The following DSE variants were observed in gnomAD, a reference collection of about 807,000 sequenced individuals.
DSE encodes the protein dermatan sulfate epimerase.
Under a neutral mutation model 84.4 loss-of-function variants are expected in DSE, and 36 were observed. The ratio of observed to expected loss-of-function variants is 0.43; its 90% CI spans 0.33 to 0.56. DSE has a LOEUF of 0.56. DSE is among the 20% of genes least tolerant of loss of function. The pLI, the probability that DSE is intolerant of heterozygous loss-of-function variation, is 0.06. For missense variants in DSE, 862 were observed against 1,169.6 expected (o/e 0.74, Z 3.84); for synonymous variants, 410 against 430.1 (o/e 0.95, Z 0.58).
At chr6:116,268,526 G>A (rs1167264151) in intron 2 of DSE, among the ~76,000 whole-genome samples, 1 of 152,144 alleles carries the variant, frequency 6.6e-6, no homozygotes, top group Non-Finnish European at 1.5e-5. Flanking sequence ...TCATCTACAT[G>A]AATGTTTTGA....
chr6:116,361,047 G>GT (rs1778857076), intron 2 of DSE, among the ~76,000 whole-genome samples: 1 of 152,026 alleles, frequency 6.6e-6, no homozygotes, highest in Admixed American at 6.6e-5. Flanking sequence ...TTAAAATTAT[G>GT]TAACTGAAGT....
intron 2 of DSE, among the ~76,000 whole-genome samples, chr6:116,346,796 A>C (rs4946161): frequency 0.23 from 34,781 of 152,110 alleles, 5,203 homozygotes; most frequent in East Asian, 0.65. Context: ...AAAGAAATAA[A>C]GGGTATTGGA....
At chr6:116,344,718 A>G (rs1777840520) in intron 2 of DSE, among the ~76,000 whole-genome samples, 1 of 152,238 alleles carries the variant, frequency 6.6e-6, no homozygotes, top group South Asian at 2.1e-4. Context: ...TGCATCAACT[A>G]ATGAGCAAAA....
chr6:116,272,334 A>G (rs1389612797), intron 2 of DSE, among the ~76,000 whole-genome samples: 2 of 152,226 alleles, frequency 1.3e-5, no homozygotes, highest in Non-Finnish European at 2.9e-5. Context: ...CTATTAAAAC[A>G]TCTTTGGACA....
At chr6:116,435,438 T>A in intron 5 of DSE, 149 bp from the exon 6 acceptor site, 1 of 726,122 alleles carries the variant, frequency 1.4e-6, no homozygotes, top group Non-Finnish European at 2.2e-6. Context: ...ATACTGGTTG[T>A]CCTTGGATAT....
At position 116,284,407 on chromosome 6, in the gene DSE, A is replaced by C. The variant is rs1773739127; in HGVS notation, c.-54+25440A>C. Among the ~76,000 whole-genome samples the C allele has an allele frequency of 2.6e-5, 4 of 152,142 alleles. No individual in the cohort carries two copies. In the South Asian group the frequency reaches 8.3e-4, roughly 32 times the overall value. Reference sequence around the variant, plus strand: ...GAAACTGAGGCAAAGAGAGACTGTCACTTGGCCAAAATGGTACAGAAAGTA... The same window carrying C: ...GAAACTGAGGCAAAGAGAGACTGTCCCTTGGCCAAAATGGTACAGAAAGTA... On this transcript the variant is annotated intron_variant, in intron 2 of 3. Coordinates refer to the DSE transcript ENST00000430252.
At position 116,344,798 on chromosome 6, in the gene DSE, C is replaced by A. The variant is rs184937330; in HGVS notation, c.-53-54400C>A. ...AATATTGACCTTAAATGTAAATGGGCTAAATGCTCCAATTAAAAGACACAG... is the reference window on the plus strand; with the variant it reads ...AATATTGACCTTAAATGTAAATGGGATAAATGCTCCAATTAAAAGACACAG... On this transcript the variant is annotated intron_variant, in intron 2 of 3. Transcript: ENST00000430252. Among the ~76,000 whole-genome samples the A allele has an allele frequency of 9.1e-4, 139 of 152,222 alleles. 3 individuals carry two copies. The East Asian group carries it at 0.023, about 25-fold the overall frequency.
At chr6:116,279,981 G>T in intron 2 of DSE, 2 of 1,128,264 alleles carry the variant, frequency 1.8e-6, no homozygotes, top group East Asian at 5.0e-5. Flanking sequence ...GGTATCGCGA[G>T]AACTTGCTGA....
At chr6:116,348,947 G>A (rs1483375549) in intron 2 of DSE, among the ~76,000 whole-genome samples, 1 of 151,906 alleles carries the variant, frequency 6.6e-6, no homozygotes, top group Non-Finnish European at 1.5e-5. Flanking sequence ...GACACAGGGT[G>A]GGGAACATCA....
intron 2 of DSE, among the ~76,000 whole-genome samples, chr6:116,345,297 C>A (rs995538014): frequency 6.6e-6 from 1 of 152,204 alleles, no homozygotes; most frequent in African/African-American, 2.4e-5. Flanking sequence ...CTCTTCACCC[C>A]AAATCAACAG....
At chr6:116,413,797 A>G (rs1201559094) in intron 2 of DSE, among the ~76,000 whole-genome samples, 1 of 152,230 alleles carries the variant, frequency 6.6e-6, no homozygotes, top group Non-Finnish European at 1.5e-5. Context: ...CATTTCACGT[A>G]TGCTAGCTCC....
Position 116,431,063 on chromosome 6 carries a change from G to A in DSE, c.780G>A (p.Ala260=), listed in dbSNP as rs765697282. The change falls in exon 4 of 6, where the codon GCG becomes GCA. Residue 260 remains alanine, a synonymous_variant. Transcript: ENST00000644252. ...ATGGCTCCCTCTATGAAGGAGTTGCGTATGGCAGCTACACCACTAGATCAC... is the reference window on the plus strand; with the variant it reads ...ATGGCTCCCTCTATGAAGGAGTTGCATATGGCAGCTACACCACTAGATCAC... The part of the protein sequence containing the change: ...VTDGSLYEGV[A]YGSYTTRSLF... The A allele has an allele frequency of 1.7e-5, 27 of 1,614,004 alleles. No individual in the cohort carries two copies. Among genetic ancestry groups the A allele is most frequent in the Middle Eastern group, 1.6e-4 (1 of 6,084 alleles).
intron 2 of DSE, chr6:116,277,728 C>T (rs1374107901): frequency 6.6e-6 from 1 of 151,906 alleles, no homozygotes; most frequent in African/African-American, 2.4e-5. Context: ...ATGGTGAAAC[C>T]CCGTCTCTAC....
chr6:116,326,000 C>T (rs1776598264), intron 2 of DSE, among the ~76,000 whole-genome samples: 1 of 152,164 alleles, frequency 6.6e-6, no homozygotes, highest in Admixed American at 6.5e-5. Flanking sequence ...CAAAACAGGA[C>T]AGGGATTTTC....
chr6:116,392,108 A>C (rs895454067), intron 1 of DSE, among the ~76,000 whole-genome samples: 68 of 152,356 alleles, frequency 4.5e-4, no homozygotes, highest in Non-Finnish European at 5.7e-4. Context: ...GTGAAATAGT[A>C]TGTGAGACCA....
rs1784273812 is a variant in DSE at position 116,437,744 on chromosome 6, CTG to C, written c.*400_*401del. 6.5e-6 allele frequency: 1 copy of C among 154,646 alleles called. No individual in the cohort carries two copies. The highest frequency in any genetic ancestry group is 2.4e-5 in the African/African-American group (1 of 41,458). 9.6% of individuals were successfully genotyped at this position (154,646 alleles called of 1,614,324 possible). A position where few individuals can be genotyped will look rare whatever the true frequency, so the allele number is the denominator to read the frequency against. On this transcript the variant is annotated 3_prime_UTR_variant, in exon 6 of 6. Coordinates refer to ENST00000644252, the MANE Select transcript of DSE (RefSeq NM_013352.4). ...TCCATATACTATATTGTGGAAAAGA[CTG>C]AAGAATACAATTCTGAGAAATATAA...
At chr6:116,278,658 T>G in intron 2 of DSE, 1 of 1,614,032 alleles carries the variant, frequency 6.2e-7, no homozygotes, top group Non-Finnish European at 8.5e-7. Flanking sequence ...TCTCAGCAAT[T>G]TTGTCGGACT....
At position 116,437,498 on chromosome 6, in the gene DSE, G is replaced by A; in HGVS notation, c.*153G>A. ...TTTGACACAAGAAAGCAGGAACGTG[G>A]AGAAATTGGAGCAGGAAAAGAAATT... is the stretch of plus-strand genomic sequence containing the variant. On this transcript the variant is annotated 3_prime_UTR_variant, in exon 6 of 6. Transcript: ENST00000644252. 1 of 683,288 alleles carries A rather than the reference G, an allele frequency of 1.5e-6. No homozygotes were observed. The highest frequency in any genetic ancestry group is 2.3e-5 in the South Asian group (1 of 43,690). The allele number at this position is 683,288 out of a possible 1,614,324, so 42.3% of individuals were successfully genotyped here.
intron 2 of DSE, among the ~76,000 whole-genome samples, chr6:116,328,391 G>A (rs139733883): frequency 1.6e-3 from 245 of 152,198 alleles, no homozygotes; most frequent in African/African-American, 5.8e-3. Context: ...TTTCTCATAC[G>A]TTTCCTTTCT....
Sources: allele counts gnomAD v4.1 joint callset (sites outside exome capture counted in the v4.1 genomes callset), GRCh38; gene constraint gnomAD v4.1.1; transcripts MANE v1.5; gene names NCBI Gene and HGNC (gene_info 2026-07-23, HGNC 2026-07-21).